Variants in TBC1D32 observed in about 807,000 individuals in gnomAD.
TBC1D32 encodes TBC1 domain family member 32.
In TBC1D32, 151 loss-of-function variants were observed where a neutral mutation model predicts 170.3. That is an observed-to-expected ratio of 0.89 (90% confidence interval 0.78 to 1.01). TBC1D32 has a LOEUF of 1.01. Ranked by LOEUF, TBC1D32 falls within the 50% of genes least tolerant of loss-of-function variation. TBC1D32 has a pLI of 0.00. For synonymous variants in TBC1D32, 498 were observed against 488.0 expected, an observed-to-expected ratio of 1.02 and a Z score of -0.27; for missense variants, 1,464 against 1,457.1, an observed-to-expected ratio of 1.00 and a Z score of -0.08.
intron 4 of TBC1D32, among the ~76,000 whole-genome samples, chr6:121,309,464 T>C (rs778375821): frequency 6.6e-6 from 1 of 152,188 alleles, no homozygotes; most frequent in Non-Finnish European, 1.5e-5. Flanking sequence ...TTCTTCTCTA[T>C]GAGTTTTTTA....
chr6:121,278,372 A>C (rs1034894443), intron 15 of TBC1D32, among the ~76,000 whole-genome samples: 11 of 152,100 alleles, frequency 7.2e-5, no homozygotes, highest in Non-Finnish European at 1.0e-4. Flanking sequence ...AAGCCAACAA[A>C]GTGTAAGAAT....
At position 121,255,399 on chromosome 6, in the gene TBC1D32, T is replaced by A; in HGVS notation, c.1947A>T (p.Leu649=). 2.7e-6 allele frequency: 4 copies of A among 1,484,984 alleles called. No individual in the cohort carries two copies. The highest frequency in any genetic ancestry group is 3.6e-6 in the Non-Finnish European group (4 of 1,118,908). 92.0% of individuals were successfully genotyped at this position (1,484,984 alleles called of 1,614,324 possible). A position where few individuals can be genotyped will look rare whatever the true frequency, so the allele number is the denominator to read the frequency against. The change falls in exon 17 of 32, where the codon CTA becomes CTT. Residue 649 remains leucine (L), a synonymous_variant. Coordinates refer to ENST00000398212, the MANE Select transcript of TBC1D32 (RefSeq NM_152730.6). ...CTACTGGAGTAGGAATTCTTTCTGA[T>A]AGCAAACTTGTCTAAAAAATAGTAG... ...IAKAWKKTSL[L]SERIPTPVEG...
intron 20 of TBC1D32, among the ~76,000 whole-genome samples, chr6:121,234,495 G>A (rs1041308229): frequency 3.3e-5 from 5 of 151,872 alleles, no homozygotes; most frequent in Admixed American, 6.6e-5. Context: ...CTGCTTGTTC[G>A]ATTCTATTAC....
chr6:121,260,089 C>T (rs924627573), intron 15 of TBC1D32, among the ~76,000 whole-genome samples: 1 of 152,002 alleles, frequency 6.6e-6, no homozygotes, highest in Non-Finnish European at 1.5e-5. Flanking sequence ...AAAGGAGAAA[C>T]CAAATATACT....
At chr6:121,145,869 A>G (rs73768930) in intron 24 of TBC1D32, among the ~76,000 whole-genome samples, 4,898 of 152,256 alleles carry the variant, frequency 0.032, 265 homozygotes, top group African/African-American at 0.11. Flanking sequence ...GGGTTAATGG[A>G]TTAATGGTCT....
chr6:121,103,627 T>C (rs866809963), intron 30 of TBC1D32, among the ~76,000 whole-genome samples: 1 of 150,336 alleles, frequency 6.7e-6, no homozygotes, highest in South Asian at 2.1e-4. Context: ...GAGATATACC[T>C]AATGTAAATG....
intron 24 of TBC1D32, among the ~76,000 whole-genome samples, chr6:121,135,366 G>A (rs1281773772): frequency 6.6e-6 from 1 of 152,120 alleles, no homozygotes; most frequent in Non-Finnish European, 1.5e-5. Flanking sequence ...CCACGATGGA[G>A]GAACTAGGAA....
At chr6:121,212,576 T>C (rs1793225056) in intron 21 of TBC1D32, among the ~76,000 whole-genome samples, 1 of 150,504 alleles carries the variant, frequency 6.6e-6, no homozygotes, top group Non-Finnish European at 1.5e-5. Flanking sequence ...TGCCTCAGCA[T>C]CCTGGGTAGC....
intron 3 of TBC1D32, among the ~76,000 whole-genome samples, chr6:121,316,644 T>C (rs1808970694): frequency 6.6e-6 from 1 of 152,190 alleles, no homozygotes; most frequent in African/African-American, 2.4e-5. Flanking sequence ...GCACAGCGAC[T>C]TTTAAGTTAT....
intron 31 of TBC1D32, among the ~76,000 whole-genome samples, chr6:121,086,477 G>C (rs913229445): frequency 6.6e-6 from 1 of 151,942 alleles, no homozygotes; most frequent in South Asian, 2.1e-4. Flanking sequence ...TTCTCAGTCC[G>C]ATCTTCATTT....
chr6:121,136,132 C>T (rs1393789244), intron 24 of TBC1D32, among the ~76,000 whole-genome samples: 1 of 152,044 alleles, frequency 6.6e-6, no homozygotes, highest in Non-Finnish European at 1.5e-5. Flanking sequence ...TTGAAATTAT[C>T]AAGGACATAA....
At chr6:121,115,285 GCAT>G in intron 26 of TBC1D32, 44 bp from the exon 27 acceptor site, 1 of 1,371,478 alleles carries the variant, frequency 7.3e-7, no homozygotes, top group Non-Finnish European at 9.8e-7. Context: ...AGAAAAGTTT[GCAT>G]AATAATCACA....
intron 22 of TBC1D32, among the ~76,000 whole-genome samples, chr6:121,200,277 G>T (rs1040988202): frequency 2.0e-5 from 3 of 151,094 alleles, no homozygotes; most frequent in African/African-American, 7.4e-5. Context: ...TACATCTTTA[G>T]CATTGAAGAT....
chr6:121,292,305 A>G, intron 11 of TBC1D32, 112 bp from the exon 12 acceptor site: 1 of 1,100,056 alleles, frequency 9.1e-7, no homozygotes, highest in Non-Finnish European at 1.3e-6. Context: ...TGGAGACATT[A>G]CTGGTCAAAA....
At chr6:121,219,492 T>G (rs946557574) in intron 21 of TBC1D32, among the ~76,000 whole-genome samples, 4 of 152,142 alleles carry the variant, frequency 2.6e-5, no homozygotes, top group Non-Finnish European at 5.9e-5. Context: ...AAGCCATCAT[T>G]TTGGACTATA....
At chr6:121,258,166 ATTAC>A (rs1799293219) in intron 15 of TBC1D32, among the ~76,000 whole-genome samples, 1 of 152,146 alleles carries the variant, frequency 6.6e-6, no homozygotes, top group Non-Finnish European at 1.5e-5. Context: ...CATTACTATA[ATTAC>A]TTATTTGCTC....
intron 22 of TBC1D32, among the ~76,000 whole-genome samples, chr6:121,176,408 G>T (rs1787767506): frequency 6.6e-6 from 1 of 152,022 alleles, no homozygotes; most frequent in Non-Finnish European, 1.5e-5. Context: ...AATAACAAAG[G>T]GAGAAGTACA....
At chr6:121,252,730 G>A (rs930895203) in intron 17 of TBC1D32, among the ~76,000 whole-genome samples, 1 of 151,982 alleles carries the variant, frequency 6.6e-6, no homozygotes, top group Non-Finnish European at 1.5e-5. Context: ...AGAACTTAAT[G>A]TATAATAAAT....
Position 121,307,966 on chromosome 6 carries a change from A to T in TBC1D32, c.690+10T>A, listed in dbSNP as rs1173194664. The T allele has an allele frequency of 2.5e-6, 4 of 1,606,994 alleles. No individual in the cohort carries two copies. The highest frequency in any genetic ancestry group is 2.5e-6 in the Non-Finnish European group (3 of 1,178,040). On this transcript the variant is annotated intron_variant, in intron 5 of 31. Transcript: ENST00000398212. Reference sequence around the variant, plus strand: ...AATTATTTTTAATATTTCTATAACCATTTTCTTACACTAAACACAGGATCA... The same window carrying T: ...AATTATTTTTAATATTTCTATAACCTTTTTCTTACACTAAACACAGGATCA...
Sources: gnomAD v4.1 joint callset for allele counts (sites outside exome capture counted in the v4.1 genomes callset) on GRCh38, gnomAD v4.1.1 for gene constraint, MANE v1.5 for transcripts, NCBI Gene and HGNC (gene_info 2026-07-23, HGNC 2026-07-21) for gene names.